Variants in ANKFN1 observed in about 807,000 individuals in gnomAD.
ANKFN1 encodes ankyrin repeat and fibronectin type III domain containing 1.
Under a neutral mutation model 108.7 loss-of-function variants are expected in ANKFN1, and 74 were observed. That is an observed-to-expected ratio of 0.68 (90% CI 0.56 to 0.83). ANKFN1 has a LOEUF of 0.83. ANKFN1 is among the 40% of genes least tolerant of loss of function. ANKFN1 has a pLI of 0.00. For synonymous variants in ANKFN1, 547 were observed against 516.2 expected (o/e 1.06, Z -0.81); for missense variants, 1,505 against 1,382.3 (o/e 1.09, Z -1.41).
intron 3 of ANKFN1, among the ~76,000 whole-genome samples, chr17:56,314,769 G>T (rs1273122850): frequency 2.6e-5 from 4 of 152,154 alleles, no homozygotes; most frequent in Non-Finnish European, 5.9e-5. Flanking sequence ...AGCTCAAGCT[G>T]CCCTCATCAG....
intron 6 of ANKFN1, chr17:56,368,276 CTTTTTTT>C (rs71137202): frequency 1.4e-4 from 9 of 65,998 alleles, no homozygotes; most frequent in South Asian, 1.6e-3. Flanking sequence ...TGAAAATGAA[CTTTTTTT>C]TTTTTTTTTT....
rs751165623 is a variant in ANKFN1, at chr17:56,511,237, C to G, written c.3409C>G (p.Pro1137Ala). The G allele has an allele frequency of 7.8e-6, 12 of 1,532,346 alleles. No homozygotes were observed. Among genetic ancestry groups the G allele is most frequent in the African/African-American group, 6.8e-5 (5 of 73,014 alleles). 94.9% of individuals were successfully genotyped at this position (1,532,346 alleles called of 1,614,324 possible). A position where few individuals can be genotyped will look rare whatever the true frequency, so the allele number is the denominator to read the frequency against. The change falls in exon 21 of 21, where the codon CCC (proline) becomes GCC (alanine). Residue 1137 changes from proline to alanine, a missense_variant. Physicochemically the swap from Pro to Ala is conservative, Grantham distance 27. Transcript: ENST00000682825. Reference protein sequence around the residue: ...DVSQEGPTASPMSEILSSML With the variant: ...DVSQEGPTASAMSEILSSML ...GAGTCAGGAGGGCCCCACCGCCTCT[C>G]CCATGTCAGAAATACTCAGCAGCAT...
intron 8 of ANKFN1, among the ~76,000 whole-genome samples, chr17:56,425,195 T>G (rs1040596739): frequency 2.0e-5 from 3 of 151,842 alleles, no homozygotes; most frequent in Non-Finnish European, 2.9e-5. Context: ...GATGCTGTGA[T>G]GCCAAATATT....
At chr17:56,260,916 A>G (rs2043494203) in intron 3 of ANKFN1, among the ~76,000 whole-genome samples, 1 of 152,230 alleles carries the variant, frequency 6.6e-6, no homozygotes, top group African/African-American at 2.4e-5. Context: ...AGAGAGAGTT[A>G]ACTTACTCCT....
At chr17:56,238,079 C>T (rs1917289594) in intron 3 of ANKFN1, among the ~76,000 whole-genome samples, 1 of 152,044 alleles carries the variant, frequency 6.6e-6, no homozygotes, top group South Asian at 2.1e-4. Context: ...CATGTAATTG[C>T]ATGACTTTGA....
At chr17:56,095,471 TTTG>T (rs986393944) in intron 4 of ANKFN1, among the ~76,000 whole-genome samples, 3 of 150,690 alleles carry the variant, frequency 2.0e-5, no homozygotes, top group African/African-American at 4.9e-5. Context: ...TTTGCGTCTT[TTTG>T]TTGTTGTTGT....
At chr17:56,360,464 A>G (rs903275229) in intron 6 of ANKFN1, among the ~76,000 whole-genome samples, 3 of 152,212 alleles carry the variant, frequency 2.0e-5, no homozygotes, top group Admixed American at 6.5e-5. Context: ...CATTTTGTGC[A>G]TAGCACTGAC....
chr17:56,204,892 G>A (rs1914394881), intron 1 of ANKFN1, among the ~76,000 whole-genome samples: 1 of 152,018 alleles, frequency 6.6e-6, no homozygotes, highest in South Asian at 2.1e-4. Context: ...TGGCTAACAC[G>A]GTGAAACCCC....
chr17:56,314,544 T>C (rs1412470279), intron 3 of ANKFN1, among the ~76,000 whole-genome samples: 1 of 152,248 alleles, frequency 6.6e-6, no homozygotes, highest in Non-Finnish European at 1.5e-5. Context: ...ACCATTTGTA[T>C]ATCTTCTATT....
chr17:56,376,309 A>G (rs184037131), intron 8 of ANKFN1, among the ~76,000 whole-genome samples: 1 of 152,332 alleles, frequency 6.6e-6, no homozygotes, highest in East Asian at 1.9e-4. Flanking sequence ...ATAAGACAGC[A>G]TTGAATTGAT....
At chr17:56,413,571 A>C (rs2048157034) in intron 8 of ANKFN1, among the ~76,000 whole-genome samples, 1 of 152,162 alleles carries the variant, frequency 6.6e-6, no homozygotes, top group Non-Finnish European at 1.5e-5. Context: ...TGTCATATTC[A>C]GCTCTTATTA....
chr17:56,461,246 A>G (rs1414642539), intron 14 of ANKFN1, among the ~76,000 whole-genome samples: 1 of 152,158 alleles, frequency 6.6e-6, no homozygotes, highest in Non-Finnish European at 1.5e-5. Context: ...ACCTAGTCTT[A>G]TTTTTGAAAT....
chr17:56,213,065 C>A (rs139463489), intron 2 of ANKFN1, among the ~76,000 whole-genome samples: 9 of 152,298 alleles, frequency 5.9e-5, no homozygotes, highest in African/African-American at 2.2e-4. Context: ...TAATCCTTCA[C>A]CCCCTCTTCT....
intron 4 of ANKFN1, among the ~76,000 whole-genome samples, chr17:56,081,151 A>T (rs561589880): frequency 6.6e-6 from 1 of 152,316 alleles, no homozygotes; most frequent in South Asian, 2.1e-4. Flanking sequence ...CTCAGAAGAA[A>T]GAATCCAACT....
intron 8 of ANKFN1, among the ~76,000 whole-genome samples, chr17:56,434,184 G>C (rs896319962): frequency 3.9e-5 from 6 of 152,168 alleles, no homozygotes; most frequent in Admixed American, 1.3e-4. Flanking sequence ...AGACACCTCT[G>C]CTCCCTACCT....
chr17:56,126,019 C>T (rs1906906633), intron 4 of ANKFN1, among the ~76,000 whole-genome samples: 1 of 152,160 alleles, frequency 6.6e-6, no homozygotes, highest in South Asian at 2.1e-4. Flanking sequence ...TATTTATGTG[C>T]TGTCTCTGGC....
Position 56,127,306 on chromosome 17 carries a change from C to T in ANKFN1, c.288+80981C>T, listed in dbSNP as rs190238343. 9.4e-3 allele frequency among the ~76,000 whole-genome samples: 1,432 copies of T among 151,962 alleles called. 11 individuals carry two copies. Among genetic ancestry groups the T allele is most frequent in the Middle Eastern group, 0.02 (6 of 294 alleles). The stretch of plus-strand genomic sequence containing the variant: ...TGATTGATTCCAAGCCTGAGCTTTT[C>T]CTTTTTTAAAATTTTATTTTACTTT... On this transcript the variant is annotated intron_variant, in intron 4 of 12. Transcript: ENST00000635860.
chr17:56,489,268 T>A (rs113624313), intron 18 of ANKFN1, among the ~76,000 whole-genome samples: 5 of 152,180 alleles, frequency 3.3e-5, no homozygotes, highest in African/African-American at 1.2e-4. Flanking sequence ...GTCCAGCTAA[T>A]GACATTATTG....
chr17:56,467,846 GAAAGAA>G (rs764852564), intron 15 of ANKFN1, among the ~76,000 whole-genome samples: 6,661 of 33,562 alleles, frequency 0.2, 400 homozygotes, highest in East Asian at 0.43. Flanking sequence ...AAGAAAGAAA[GAAAGAA>G]AAAGGGAAAG....
Sources: gnomAD v4.1 joint callset for allele counts (sites outside exome capture counted in the v4.1 genomes callset) on GRCh38, gnomAD v4.1.1 for gene constraint, MANE v1.5 for transcripts, NCBI Gene and HGNC (gene_info 2026-07-23, HGNC 2026-07-21) for gene names.